TUSC3: variants seen among roughly 807,000 people sequenced by gnomAD.
The protein encoded by TUSC3 is tumor suppressor candidate 3, also known as dolichyl-diphosphooligosaccharide--protein glycosyltransferase subunit TUSC3.
TUSC3 carries 45 observed loss-of-function variants against 44.8 expected under a neutral mutation model. The ratio of observed to expected loss-of-function variants is 1.00; its 90% CI spans 0.79 to 1.29. The LOEUF is 1.29. Among genes scored for constraint, TUSC3 ranks in the 50% most tolerant of loss-of-function variants. TUSC3 has a pLI of 0.00. For missense variants in TUSC3, 519 were observed against 437.9 expected (o/e 1.19, Z -1.65); for synonymous variants, 212 against 152.9 (o/e 1.39, Z -2.85).
chr8:15,755,556 T>C (rs1478726585), intron 9 of TUSC3, among the ~76,000 whole-genome samples: 1 of 151,946 alleles, frequency 6.6e-6, no homozygotes, highest in East Asian at 1.9e-4. Context: ...AGTGAAATAG[T>C]AGGGTTACTA....
the TUSC3 span, among the ~76,000 whole-genome samples, chr8:15,848,661 C>A: frequency 6.6e-6 from 1 of 152,186 alleles, no homozygotes; most frequent in Non-Finnish European, 1.5e-5. Flanking sequence ...GTGGTAACCA[C>A]TGTCCAGTGA....
intron 6 of TUSC3, among the ~76,000 whole-genome samples, 181 bp downstream of exon 6, chr8:15,674,017 T>A (rs151044148): frequency 6.6e-6 from 1 of 152,128 alleles, no homozygotes; most frequent in African/African-American, 2.4e-5. Context: ...CACACAATAT[T>A]ACTTTTGTTA....
chr8:15,752,042 C>A (rs907167052), intron 9 of TUSC3, among the ~76,000 whole-genome samples: 1 of 152,104 alleles, frequency 6.6e-6, no homozygotes, highest in African/African-American at 2.4e-5. Context: ...GGAGAAAATA[C>A]ATACATCCAT....
the TUSC3 span, among the ~76,000 whole-genome samples, chr8:15,822,613 G>A: frequency 3.7e-4 from 56 of 152,186 alleles, no homozygotes; most frequent in African/African-American, 1.3e-3. Flanking sequence ...TAGAAGAGAA[G>A]GCTTCCAAGG....
rs114176090 is a variant in TUSC3 at position 15,437,992 on chromosome 8, G to A, written n.91+20687G>A. ...GGAACTGTACAGACATTTGTTATAA[G>A]GTCTTTCTACTTCTTACCAGCAGGT... is the stretch of plus-strand genomic sequence containing the variant. On this transcript the variant is annotated intron_variant and non_coding_transcript_variant, in intron 1 of 5. Coordinates refer to the TUSC3 transcript ENST00000503191. 2.9e-3 allele frequency among the ~76,000 whole-genome samples: 435 copies of A among 152,312 alleles called. 5 individuals are homozygous for A. The highest frequency in any genetic ancestry group is 9.8e-3 in the African/African-American group (409 of 41,564).
chr8:15,667,501 C>G (rs187631090), intron 5 of TUSC3, among the ~76,000 whole-genome samples: 1 of 151,554 alleles, frequency 6.6e-6, no homozygotes, highest in African/African-American at 2.4e-5. Flanking sequence ...TTACTTATAA[C>G]TTGAAAACAT....
At chr8:15,688,689 T>A (rs773208638) in intron 6 of TUSC3, among the ~76,000 whole-genome samples, 9 of 152,180 alleles carry the variant, frequency 5.9e-5, no homozygotes, top group Non-Finnish European at 1.0e-4. Context: ...TTGAGGCTGC[T>A]GTTAGGAGAT....
chr8:15,637,149 G>C (rs561825054), intron 2 of TUSC3, among the ~76,000 whole-genome samples: 1 of 152,200 alleles, frequency 6.6e-6, no homozygotes, highest in South Asian at 2.1e-4. Context: ...TAAAATACCA[G>C]TTCTATTTCA....
At chr8:15,541,254 G>C (rs1055236343) in intron 1 of TUSC3, among the ~76,000 whole-genome samples, 10 of 152,300 alleles carry the variant, frequency 6.6e-5, no homozygotes, top group African/African-American at 2.4e-4. Flanking sequence ...CATTAACTTT[G>C]AAAAGGTTGA....
chr8:15,445,729 A>C (rs1800087348), intron 1 of TUSC3, among the ~76,000 whole-genome samples: 1 of 152,262 alleles, frequency 6.6e-6, no homozygotes, highest in African/African-American at 2.4e-5. Context: ...CTACACAGAC[A>C]CAGTAACAAT....
At chr8:15,686,397 G>T (rs578235395) in intron 6 of TUSC3, among the ~76,000 whole-genome samples, 1 of 152,134 alleles carries the variant, frequency 6.6e-6, no homozygotes, top group East Asian at 1.9e-4. Context: ...CAATTCAGTT[G>T]TGAGTAAAAC....
chr8:15,430,797 C>T (rs1174677981), intron 1 of TUSC3, among the ~76,000 whole-genome samples: 1 of 151,632 alleles, frequency 6.6e-6, no homozygotes, highest in Non-Finnish European at 1.5e-5. Context: ...GCTACAAAAC[C>T]AATGTGCAAA....
At chr8:15,767,598 C>A (rs1455026149), downstream of TUSC3, among the ~76,000 whole-genome samples, 1 of 152,116 alleles carries the variant, frequency 6.6e-6, no homozygotes, top group Admixed American at 6.6e-5. Context: ...CCTCTTTCCT[C>A]CCCAGTCAGG....
intron 1 of TUSC3, among the ~76,000 whole-genome samples, chr8:15,464,221 A>G (rs951794365): frequency 6.6e-6 from 1 of 152,158 alleles, no homozygotes; most frequent in African/African-American, 2.4e-5. Context: ...GCGAGTGACT[A>G]ATGACTGCCA....
At chr8:15,610,682 A>C (rs1804723271) in intron 1 of TUSC3, among the ~76,000 whole-genome samples, 1 of 152,236 alleles carries the variant, frequency 6.6e-6, no homozygotes, top group African/African-American at 2.4e-5. Flanking sequence ...AAATTGAAGT[A>C]AACCCCTTTA....
At chr8:15,640,592 C>A (rs1300714779) in intron 2 of TUSC3, among the ~76,000 whole-genome samples, 1 of 152,140 alleles carries the variant, frequency 6.6e-6, no homozygotes, top group Non-Finnish European at 1.5e-5. Context: ...GCCTCCCCTG[C>A]CCCTAAAGAA....
the TUSC3 span, among the ~76,000 whole-genome samples, chr8:15,846,937 G>A: frequency 6.6e-6 from 1 of 151,052 alleles, no homozygotes; most frequent in African/African-American, 2.4e-5. Context: ...ATTCATAATA[G>A]GTGTTTCTTG....
chr8:15,481,498 C>G (rs926696750), intron 1 of TUSC3, among the ~76,000 whole-genome samples: 1 of 152,072 alleles, frequency 6.6e-6, no homozygotes, highest in Admixed American at 6.6e-5. Flanking sequence ...CACCTCTCAG[C>G]CTCAAGAACC....
At chr8:15,739,863 C>G (rs1191955870) in intron 7 of TUSC3, among the ~76,000 whole-genome samples, 1 of 152,074 alleles carries the variant, frequency 6.6e-6, no homozygotes, top group Non-Finnish European at 1.5e-5. Context: ...ATCTTTCACT[C>G]TTTAGTTTTG....
Sources: allele counts gnomAD v4.1 joint callset (sites outside exome capture counted in the v4.1 genomes callset), GRCh38; gene constraint gnomAD v4.1.1; transcripts MANE v1.5; gene names NCBI Gene and HGNC (gene_info 2026-07-23, HGNC 2026-07-21).